The following KIAA1671 variants were observed in gnomAD, a reference collection of about 807,000 sequenced individuals.
KIAA1671 encodes the protein uncharacterized protein KIAA1671.
KIAA1671 carries 52 observed loss-of-function variants against 131.2 expected under a neutral mutation model. The ratio of observed to expected loss-of-function variants is 0.40; its 90% CI spans 0.32 to 0.50. The LOEUF (loss-of-function observed/expected upper bound fraction) is 0.50, where lower values mean the gene tolerates loss of function less well. Among genes scored for constraint, KIAA1671 ranks in the 20% least tolerant of loss-of-function variants. KIAA1671 has a pLI of 0.73. For missense variants in KIAA1671, 2,360 were observed against 2,364.2 expected, an observed-to-expected ratio of 1.00 and a Z score of 0.04; for synonymous variants, 1,003 against 961.6, an observed-to-expected ratio of 1.04 and a Z score of -0.80.
chr22:25,183,218 C>T (rs1239349487), intron 10 of KIAA1671, among the ~76,000 whole-genome samples: 1 of 152,178 alleles, frequency 6.6e-6, no homozygotes, highest in Non-Finnish European at 1.5e-5. Context: ...CTGTGTATGC[C>T]ATGCAGGCCA....
intron 6 of KIAA1671, chr22:25,051,466 A>T (rs1024984169): frequency 2.6e-5 from 4 of 152,202 alleles, no homozygotes; most frequent in Non-Finnish European, 5.9e-5. Context: ...TGAGTAGTAA[A>T]TGAGATCACC....
chr22:25,145,421 C>T (rs117502424), intron 6 of KIAA1671, among the ~76,000 whole-genome samples: 3,747 of 152,332 alleles, frequency 0.025, 77 homozygotes, highest in Middle Eastern at 0.034. Flanking sequence ...GGCCACACAG[C>T]ATGGCCCTGT....
intron 1 of KIAA1671, among the ~76,000 whole-genome samples, chr22:24,977,371 C>T (rs964952051): frequency 2.6e-5 from 4 of 152,198 alleles, no homozygotes. Flanking sequence ...GCGCTGTTGT[C>T]TGCTCCCCCA....
intron 1 of KIAA1671, among the ~76,000 whole-genome samples, chr22:24,981,602 G>A (rs1485824123): frequency 6.6e-6 from 1 of 152,140 alleles, no homozygotes; most frequent in Non-Finnish European, 1.5e-5. Context: ...AGGACCCTTG[G>A]GGATCTGTAT....
rs56860953 is a variant in KIAA1671 at position 24,960,130 on chromosome 22, CAAATAAATAAAT to C, written c.-208+7386_-208+7397del. Reference sequence around the variant, plus strand: ...CTGGCGACAGAGTGAGACTCCGTCTCAAATAAATAAATAAATAAATAAATAAATAAATAAATA... The same window carrying C: ...CTGGCGACAGAGTGAGACTCCGTCTCAAATAAATAAATAAATAAATAAATA... On this transcript the variant is annotated intron_variant, in intron 1 of 12. Transcript: ENST00000358431. 4.6e-4 allele frequency among the ~76,000 whole-genome samples: 68 copies of C among 146,996 alleles called. 1 individual carries two copies. The highest frequency in any genetic ancestry group is 3.1e-3 in the South Asian group (14 of 4,582).
At position 25,039,644 on chromosome 22, in the gene KIAA1671, C is replaced by T. The variant is rs1427399526; in HGVS notation, c.2514C>T (p.Ser838=). 7 of 1,544,866 alleles carry T rather than the reference C, an allele frequency of 4.5e-6. No homozygotes were observed. The highest frequency in any genetic ancestry group is 2.0e-5 in the Admixed American group (1 of 50,802). ...CGCACAAAGCCACCGTGGCAGTCAG[C>T]GAAGAGCACTGTGCTCCCGGGGCCA... ...VSSHKATVAV[S]EEHCAPGATS... The change falls in exon 5 of 13, where the codon AGC becomes AGT. Residue 838 remains serine (S), a synonymous_variant. Coordinates refer to ENST00000358431, the MANE Select transcript of KIAA1671 (RefSeq NM_001145206.2).
chr22:25,162,066 G>A (rs1423601740), intron 6 of KIAA1671, among the ~76,000 whole-genome samples: 1 of 152,126 alleles, frequency 6.6e-6, no homozygotes, highest in African/African-American at 2.4e-5. Flanking sequence ...ATGCCAGATC[G>A]ACTCCCTGGG....
chr22:25,189,138 TTTTTTTTGTTTTG>T (rs1934582087), intron 11 of KIAA1671, among the ~76,000 whole-genome samples: 1 of 150,234 alleles, frequency 6.7e-6, no homozygotes, highest in East Asian at 1.9e-4. Flanking sequence ...TTTTTTTTTT[TTTTTTTTGTTTTG>T]TTTTTTTGTT....
chr22:25,039,546 C>G lies in KIAA1671; in HGVS notation c.2416C>G (p.Pro806Ala). Residue 806 changes from proline to alanine, a missense_variant, in exon 5 of 13, where the codon CCT (proline) becomes GCT (alanine). By Grantham distance (27) the Pro-to-Ala change is conservative (BLOSUM62 -1). This residue lies in a region of KIAA1671 where 1,185 missense variants were observed against 1,126.2 expected (regional missense o/e 1.05). Coordinates refer to ENST00000358431, the MANE Select transcript of KIAA1671 (RefSeq NM_001145206.2). Reference sequence around the variant, plus strand: ...TTTGATTTGGGAAGCTCGAGGCATGCCTGAGGCTAGTGGACCGAAGTTTGG... The same window carrying G: ...TTTGATTTGGGAAGCTCGAGGCATGGCTGAGGCTAGTGGACCGAAGTTTGG... ...ASLIWEARGM[P>A]EASGPKFGGN... The G allele has an allele frequency of 6.4e-7, 1 of 1,551,826 alleles. No individual in the cohort carries two copies. Among genetic ancestry groups the G allele is most frequent in the Non-Finnish European group, 8.7e-7 (1 of 1,147,030 alleles).
chr22:25,009,082 C>T (rs1246408196), intron 1 of KIAA1671, among the ~76,000 whole-genome samples: 3 of 152,030 alleles, frequency 2.0e-5, no homozygotes, highest in African/African-American at 4.8e-5. Flanking sequence ...GGCATGGAAA[C>T]GGGAATGTGG....
chr22:25,027,450 G>A (rs991341945), intron 2 of KIAA1671, among the ~76,000 whole-genome samples: 5 of 152,202 alleles, frequency 3.3e-5, no homozygotes, highest in African/African-American at 1.2e-4. Flanking sequence ...CTCTGCAGTG[G>A]GAAAACAGGG....
At chr22:25,032,364 C>T (rs1926340388) in intron 3 of KIAA1671, among the ~76,000 whole-genome samples, 1 of 152,190 alleles carries the variant, frequency 6.6e-6, no homozygotes, top group African/African-American at 2.4e-5. Flanking sequence ...CTAAACCAAG[C>T]TCCCCCAGTG....
At position 25,041,538 on chromosome 22, in the gene KIAA1671, A is replaced by T. The variant is rs1427259336; in HGVS notation, c.4395+13A>T. The T allele has an allele frequency of 6.6e-7, 1 of 1,505,750 alleles. No individual in the cohort carries two copies. Among genetic ancestry groups the T allele is most frequent in the South Asian group, 1.3e-5 (1 of 78,052 alleles). The allele number at this position is 1,505,750 out of a possible 1,614,324, so 93.3% of individuals were successfully genotyped here. A position where few individuals can be genotyped will look rare whatever the true frequency, so the allele number is the denominator to read the frequency against. ...AGACAGTCACAAGGTAAGTACCGAG[A>T]CACTTTTTAATTTTGTCAAACATGG... is the stretch of plus-strand genomic sequence containing the variant. On this transcript the variant is annotated intron_variant, in intron 5 of 12. Transcript: ENST00000358431.
At chr22:25,163,783 G>A (rs753859311) in intron 6 of KIAA1671, among the ~76,000 whole-genome samples, 4 of 151,996 alleles carry the variant, frequency 2.6e-5, no homozygotes, top group Non-Finnish European at 4.4e-5. Flanking sequence ...GTATTTCACC[G>A]TCTCCTGCCT....
intron 6 of KIAA1671, among the ~76,000 whole-genome samples, chr22:25,079,878 A>T (rs114152493): frequency 1.0e-3 from 158 of 152,088 alleles, no homozygotes; most frequent in African/African-American, 3.6e-3. Flanking sequence ...TCATGTGGGG[A>T]ACAGACTCAA....
At chr22:25,162,438 CAG>C (rs1000410764) in intron 6 of KIAA1671, among the ~76,000 whole-genome samples, 20 of 152,358 alleles carry the variant, frequency 1.3e-4, no homozygotes, top group Admixed American at 3.3e-4. Context: ...TGCCCTGACT[CAG>C]GGTTCTTTCT....
intron 6 of KIAA1671, among the ~76,000 whole-genome samples, chr22:25,120,866 G>A (rs1409868508): frequency 6.6e-6 from 1 of 152,196 alleles, no homozygotes; most frequent in Admixed American, 6.5e-5. Flanking sequence ...TGGACATTTG[G>A]GTAATTTCCC....
intron 6 of KIAA1671, among the ~76,000 whole-genome samples, chr22:25,140,320 C>T (rs535067792): frequency 1.3e-5 from 2 of 152,324 alleles, no homozygotes; most frequent in South Asian, 4.1e-4. Context: ...CTTCATTAAG[C>T]CAGCAAGGAG....
At chr22:24,983,848 G>A (rs189722498) in intron 1 of KIAA1671, among the ~76,000 whole-genome samples, 1,879 of 149,710 alleles carry the variant, frequency 0.013, 38 homozygotes, top group South Asian at 0.067. Flanking sequence ...GTGCGATCTC[G>A]GCTCACCACA....
Sources: gnomAD v4.1 joint callset for allele counts (sites outside exome capture counted in the v4.1 genomes callset) on GRCh38, gnomAD v4.1.1 for gene constraint, gnomAD v4.1.1 regional missense constraint, MANE v1.5 for transcripts, NCBI Gene and HGNC (gene_info 2026-07-23, HGNC 2026-07-21) for gene names.